The following GMEB2 variants were observed in gnomAD, a reference collection of about 807,000 sequenced individuals.
GMEB2 encodes glucocorticoid modulatory element binding protein 2, also known as glucocorticoid modulatory element-binding protein 2.
GMEB2 carries 7 observed loss-of-function variants against 45.7 expected under a neutral mutation model. The ratio of observed to expected loss-of-function variants is 0.15; its 90% CI spans 0.09 to 0.29. The LOEUF is 0.29. Ranked by LOEUF, GMEB2 falls within the 10% of genes least tolerant of loss-of-function variation. The pLI is 1.00. For missense variants in GMEB2, 582 were observed against 739.2 expected (o/e 0.79, Z 2.47); for synonymous variants, 322 against 323.6 (o/e 1.00, Z 0.05).
intron 6 of GMEB2, among the ~76,000 whole-genome samples, chr20:63,594,323 C>T (rs938742995): frequency 2.6e-5 from 4 of 152,230 alleles, no homozygotes; most frequent in Non-Finnish European, 5.9e-5. Context: ...AGTTCCTTCC[C>T]TGGCAGGCGG....
At chr20:63,602,813 T>G (rs760484238) in intron 4 of GMEB2, 152 bp downstream of exon 4, 6 of 670,432 alleles carry the variant, frequency 8.9e-6, no homozygotes, top group Non-Finnish European at 1.5e-5. Flanking sequence ...CCACAGCGAA[T>G]TCCTCTTCCT....
intron 1 of GMEB2, among the ~76,000 whole-genome samples, chr20:63,624,910 G>T (rs1186878725): frequency 6.6e-6 from 1 of 151,972 alleles, no homozygotes; most frequent in African/African-American, 2.4e-5. Flanking sequence ...GTTTCACCAT[G>T]TTGGCCAGGA....
At position 63,602,986 on chromosome 20, in the gene GMEB2, G is replaced by A; in HGVS notation, c.336C>T (p.Gly112=). The change falls in exon 4 of 10, where the codon GGC becomes GGT. Residue 112 remains glycine, a synonymous_variant. Transcript: ENST00000370077. The stretch of plus-strand genomic sequence containing the variant: ...TCACCTGAACACATTTCACATTGAT[G>A]CCGGGACACACAAACTTCCTCCAGA... ...NLIWRKFVCP[G]INVKCVQYDE... The A allele has an allele frequency of 6.2e-7, 1 of 1,614,062 alleles. No homozygotes were observed. The highest frequency in any genetic ancestry group is 1.1e-5 in the South Asian group (1 of 91,076).
chr20:63,597,590 C>T (rs570396764), intron 5 of GMEB2, among the ~76,000 whole-genome samples, 167 bp downstream of exon 5: 3 of 152,260 alleles, frequency 2.0e-5, no homozygotes, highest in Admixed American at 6.5e-5. Context: ...GTGTGGGAGA[C>T]GGGTTTACAG....
intron 9 of GMEB2, among the ~76,000 whole-genome samples, chr20:63,591,304 CACACACATTGA>C (rs2083145428): frequency 6.6e-6 from 1 of 151,964 alleles, no homozygotes; most frequent in Non-Finnish European, 1.5e-5. Context: ...ACACTGAATA[CACACACATTGA>C]ACACACAGTG....
At chr20:63,596,125 A>AG (rs1381889636) in intron 5 of GMEB2, among the ~76,000 whole-genome samples, 1 of 152,242 alleles carries the variant, frequency 6.6e-6, no homozygotes, top group Non-Finnish European at 1.5e-5. Flanking sequence ...AGGTGGGCCC[A>AG]GTCCACCTGC....
At chr20:63,606,517 T>C (rs1464500913) in intron 2 of GMEB2, among the ~76,000 whole-genome samples, 1 of 152,054 alleles carries the variant, frequency 6.6e-6, no homozygotes, top group Non-Finnish European at 1.5e-5. Flanking sequence ...CTGGCTAATT[T>C]TTTGTATTTT....
intron 2 of GMEB2, among the ~76,000 whole-genome samples, chr20:63,606,328 G>A (rs1367405491): frequency 3.4e-5 from 5 of 147,336 alleles, no homozygotes; most frequent in African/African-American, 7.4e-5. Flanking sequence ...TCAATGCCAG[G>A]AAAAAAAACA....
chr20:63,594,200 A>G (rs2146048447), intron 6 of GMEB2, among the ~76,000 whole-genome samples: 1 of 152,362 alleles, frequency 6.6e-6, no homozygotes, highest in East Asian at 1.9e-4. Context: ...CTAACTGCAC[A>G]GTAGCCAAGT....
chr20:63,626,675 G>A (rs1303498017), intron 1 of GMEB2, among the ~76,000 whole-genome samples: 9 of 151,596 alleles, frequency 5.9e-5, no homozygotes, highest in African/African-American at 2.4e-5. Flanking sequence ...CCCGGGATGG[G>A]TCCACCGAGG....
chr20:63,598,404 T>C (rs1250111704), intron 4 of GMEB2, among the ~76,000 whole-genome samples: 1 of 151,664 alleles, frequency 6.6e-6, no homozygotes, highest in Non-Finnish European at 1.5e-5. Flanking sequence ...GGAACCCTCC[T>C]GCTTGCTAAT....
At chr20:63,623,615 C>T (rs996194642) in intron 1 of GMEB2, among the ~76,000 whole-genome samples, 1 of 148,430 alleles carries the variant, frequency 6.7e-6, no homozygotes, top group Non-Finnish European at 1.5e-5. Context: ...CTGATCAATA[C>T]GGTGAAACCC....
chr20:63,623,894 C>G (rs2089654345), intron 1 of GMEB2, among the ~76,000 whole-genome samples: 1 of 151,780 alleles, frequency 6.6e-6, no homozygotes, highest in East Asian at 1.9e-4. Flanking sequence ...AGCAGATCAC[C>G]TGAGGTCAGG....
At chr20:63,610,764 G>A (rs1331090349) in intron 2 of GMEB2, among the ~76,000 whole-genome samples, 2 of 152,236 alleles carry the variant, frequency 1.3e-5, no homozygotes, top group Non-Finnish European at 2.9e-5. Context: ...AGCAACTGCA[G>A]ACTGAAAAAT....
rs774036963 is a variant in GMEB2 at position 63,590,157 on chromosome 20, G to A, written c.1525C>T (p.Pro509Ser). 2 of 1,581,106 alleles carry A rather than the reference G, an allele frequency of 1.3e-6. No individual in the cohort carries two copies. The highest frequency in any genetic ancestry group is 1.7e-4 in the Middle Eastern group (1 of 5,932). Residue 509 changes from proline (P) to serine (S), a missense_variant, in exon 10 of 10, where the codon CCC becomes TCC. Coordinates refer to ENST00000370077, the MANE Select transcript of GMEB2 (RefSeq NM_012384.5). ...TIVTVPAGAA[P>S]GPEEHTATIE... is the part of the protein sequence containing the mutation. ...GTGGCCGTGTGCTCCTCAGGCCCGG[G>A]GGCAGCCCCTGCGGGCACTGTCACA...
Position 63,593,611 on chromosome 20 carries a change from C to T in GMEB2, c.620-529G>A, listed in dbSNP as rs1355499009. Among the ~76,000 whole-genome samples the T allele has an allele frequency of 6.6e-6, 1 of 152,180 alleles. No homozygotes were observed. The highest frequency in any genetic ancestry group is 1.5e-5 in the Non-Finnish European group (1 of 68,036). ...TGGGGCTTTGAGAGACAGAAACCGTCCTGGCTCTTCCTGTGGGTCCCTCTC... is the reference window on the plus strand; with the variant it reads ...TGGGGCTTTGAGAGACAGAAACCGTTCTGGCTCTTCCTGTGGGTCCCTCTC... On this transcript the variant is annotated intron_variant, in intron 6 of 9. Transcript: ENST00000370077. The surrounding 1 kb of genome is among the most constrained non-coding windows in gnomAD (Gnocchi z 4.7).
chr20:63,626,575 GCCTGCGGGGTGGTCCCTGTGGGTCGCGTC>G (rs2089675088), intron 1 of GMEB2, among the ~76,000 whole-genome samples: 2 of 140,734 alleles, frequency 1.4e-5, no homozygotes, highest in Admixed American at 6.9e-5. Flanking sequence ...CGGGTCGGGT[GCCTGCGGGGTGGTCCCTGTGGGTCGCGTC>G]CCTGCGGGTC....
At chr20:63,623,578 C>T (rs192501314) in intron 1 of GMEB2, among the ~76,000 whole-genome samples, 7 of 152,114 alleles carry the variant, frequency 4.6e-5, no homozygotes, top group Non-Finnish European at 7.4e-5. Context: ...GCGGGTGGAT[C>T]ATAAGGTCAG....
intron 5 of GMEB2, among the ~76,000 whole-genome samples, chr20:63,597,213 T>C (rs188531246): frequency 1.3e-5 from 2 of 149,634 alleles, no homozygotes; most frequent in East Asian, 3.9e-4. Flanking sequence ...CCAAGCTGTA[T>C]TGCAGTGGCA....
Sources: gnomAD v4.1 joint callset for allele counts (sites outside exome capture counted in the v4.1 genomes callset) on GRCh38, gnomAD v4.1.1 for gene constraint, Gnocchi (gnomAD v3.1) non-coding constraint, MANE v1.5 for transcripts, NCBI Gene and HGNC (gene_info 2026-07-23, HGNC 2026-07-21) for gene names.